The following DENND4B variants were observed in gnomAD, a reference collection of about 807,000 sequenced individuals.
The protein encoded by DENND4B is DENN domain-containing protein 4B.
A neutral mutation model predicts 161.0 loss-of-function variants in DENND4B; 67 were observed. The ratio of observed to expected loss-of-function variants is 0.42; its 90% CI spans 0.34 to 0.51. The LOEUF (loss-of-function observed/expected upper bound fraction) is 0.51, where lower values mean the gene tolerates loss of function less well. Ranked by LOEUF, DENND4B falls within the 20% of genes least tolerant of loss-of-function variation. The pLI is 0.08. For missense variants in DENND4B, 1,481 were observed against 1,968.0 expected, an observed-to-expected ratio of 0.75 and a Z score of 4.68; for synonymous variants, 753 against 813.8, an observed-to-expected ratio of 0.93 and a Z score of 1.27.
rs2102016177 is a variant in DENND4B, at chr1:153,933,648, T to G, written c.3165A>C (p.Arg1055=). 1.3e-6 allele frequency: 2 copies of G among 1,562,916 alleles called. No individual in the cohort carries two copies. The highest frequency in any genetic ancestry group is 4.7e-5 in the East Asian group (2 of 42,970). ...GRQDEAGTPR[R]GLGARLQQLL... Reference sequence around the variant, plus strand: ...GCTGTTGGAGGCGGGCACCCAGCCCTCGTCGGGGGGTGCCTGCCTCATCCT... The same window carrying G: ...GCTGTTGGAGGCGGGCACCCAGCCCGCGTCGGGGGGTGCCTGCCTCATCCT... The change falls in exon 20 of 28, where the codon CGA becomes CGC. Residue 1055 remains arginine, a synonymous_variant. Coordinates refer to ENST00000361217, the MANE Select transcript of DENND4B (RefSeq NM_014856.3). The surrounding 1 kb of genome is among the most constrained non-coding windows in gnomAD (Gnocchi z 5.7).
At position 153,943,922 on chromosome 1, in the gene DENND4B, G is replaced by A. The variant is rs150160670; in HGVS notation, c.317+136C>T. The A allele has an allele frequency of 6.0e-3, 5,778 of 962,934 alleles. 25 individuals carry two copies. Among genetic ancestry groups the A allele is most frequent in the Middle Eastern group, 7.5e-3 (23 of 3,078 alleles). The allele number at this position is 962,934 out of a possible 1,614,324, so 59.6% of individuals were successfully genotyped here. On this transcript the variant is annotated intron_variant, in intron 2 of 27. Coordinates refer to ENST00000361217, the MANE Select transcript of DENND4B (RefSeq NM_014856.3). ...TAAGGACTAAGTACATACAACTTCA[G>A]TCCTTCCTTCCTGGCCCCTGGCCCA...
Position 153,932,019 on chromosome 1 carries a change from C to T in DENND4B, c.3996+185G>A, listed in dbSNP as rs1395745236. On this transcript the variant is annotated intron_variant, in intron 24 of 27. Transcript: ENST00000361217. This position sits in a 1 kb window ranked among gnomAD's most constrained non-coding sequence, Gnocchi z 5.8. The stretch of plus-strand genomic sequence containing the variant: ...ACAGGGTTTCTCCCAGTTGGTCAGG[C>T]TGGTCTCGAACTCCTGACCTCAGGT... Among the ~76,000 whole-genome samples the T allele has an allele frequency of 6.6e-6, 1 of 151,354 alleles. No individual in the cohort carries two copies. Among genetic ancestry groups the T allele is most frequent in the Non-Finnish European group, 1.5e-5 (1 of 67,818 alleles).
In DENND4B at chr1:153,940,740, G is replaced by C. The variant is rs986838605; in HGVS notation, c.1327-134C>G. 212 of 1,439,894 alleles carry C rather than the reference G, an allele frequency of 1.5e-4. No individual in the cohort carries two copies. Among genetic ancestry groups the C allele is most frequent in the Non-Finnish European group, 1.7e-4 (186 of 1,072,218 alleles). 89.2% of individuals were successfully genotyped at this position (1,439,894 alleles called of 1,614,324 possible). On this transcript the variant is annotated intron_variant, in intron 9 of 27. Coordinates refer to ENST00000361217, the MANE Select transcript of DENND4B (RefSeq NM_014856.3). The surrounding 1 kb of genome is among the most constrained non-coding windows in gnomAD (Gnocchi z 5.6). ...GAGAGGCTGTTGGAAGTAGGCTCTA[G>C]AGAAGAGCTCCTGATGGAAGCTATG...
chr1:153,945,902 C>T (rs1321096043), intron 1 of DENND4B, among the ~76,000 whole-genome samples: 1 of 152,248 alleles, frequency 6.6e-6, no homozygotes, highest in Non-Finnish European at 1.5e-5. Flanking sequence ...CACTCCGGGT[C>T]CCCACGCCCG....
In DENND4B at chr1:153,944,356, G is replaced by T; in HGVS notation, c.19C>A (p.Pro7Thr). The T allele has an allele frequency of 2.5e-6, 4 of 1,607,616 alleles. No homozygotes were observed. The highest frequency in any genetic ancestry group is 3.4e-6 in the Non-Finnish European group (4 of 1,177,232). ...ACCACGAAGTAATCCACCAGCCGGG[G>T]GGGCCGCTCCTCCGCCATGGCCCCC... is the stretch of plus-strand genomic sequence containing the variant. MAEERP[P>T]RLVDYFVVAG... Residue 7 changes from proline to threonine, a missense_variant, in exon 2 of 28, where the codon CCC becomes ACC. Pro to Thr is a conservative substitution (Grantham distance 38, BLOSUM62 -1). Around this residue, in one of 3 missense-constraint regions of DENND4B, gnomAD observed 806 missense variants for 1,134.4 expected, o/e 0.71. Transcript: ENST00000361217. This position sits in a 1 kb window ranked among gnomAD's most constrained non-coding sequence, Gnocchi z 4.8.
Position 153,942,731 on chromosome 1 carries a change from C to T in DENND4B, c.571-106G>A. On this transcript the variant is annotated intron_variant, in intron 3 of 27. Coordinates refer to ENST00000361217, the MANE Select transcript of DENND4B (RefSeq NM_014856.3). The surrounding 1 kb of genome is among the most constrained non-coding windows in gnomAD (Gnocchi z 6.9). ...AATGTTCTTTTGTCTTTAAAGCTCC[C>T]ATTAATCCCAGTGCCCCAAGACCAG... is the stretch of plus-strand genomic sequence containing the variant. The T allele has an allele frequency of 1.4e-6, 2 of 1,474,666 alleles. No individual in the cohort carries two copies. The highest frequency in any genetic ancestry group is 1.8e-6 in the Non-Finnish European group (2 of 1,109,010). The allele number at this position is 1,474,666 out of a possible 1,614,324, so 91.3% of individuals were successfully genotyped here.
intron 6 of DENND4B, 89 bp downstream of exon 6, chr1:153,941,780 C>CGGGGGGGGG: frequency 1.8e-6 from 1 of 558,836 alleles, no homozygotes; most frequent in Non-Finnish European, 3.2e-6. Flanking sequence ...GCCCAGCCCT[C>CGGGGGGGGG]CCCCCACCCA....
chr1:153,939,071 G>T, intron 12 of DENND4B, 26 bp from the exon 13 acceptor site: 2 of 1,608,816 alleles, frequency 1.2e-6, no homozygotes, highest in Non-Finnish European at 8.5e-7. Flanking sequence ...ATGGGGCAGA[G>T]GAGGGGTGTG....
rs1678811764 is a variant in DENND4B, at chr1:153,930,018, G to C, written c.*279C>G. 4.5e-6 allele frequency: 2 copies of C among 443,388 alleles called. No individual in the cohort carries two copies. Among genetic ancestry groups the C allele is most frequent in the African/African-American group, 4.0e-5 (2 of 50,508 alleles). 27.5% of individuals were successfully genotyped at this position (443,388 alleles called of 1,614,324 possible). On this transcript the variant is annotated 3_prime_UTR_variant, in exon 28 of 28. Transcript: ENST00000361217. The surrounding 1 kb of genome is among the most constrained non-coding windows in gnomAD (Gnocchi z 4.7). Reference sequence around the variant, plus strand: ...GCAGATCTGTGGGTACCCTGGAGGGGAGTTCCCGGTATAGGACAAGGGAAG... The same window carrying C: ...GCAGATCTGTGGGTACCCTGGAGGGCAGTTCCCGGTATAGGACAAGGGAAG...
At chr1:153,935,355 CT>C (rs1208834320) in intron 17 of DENND4B, 2 of 182,718 alleles carry the variant, frequency 1.1e-5, no homozygotes, top group East Asian at 1.5e-4. Context: ...ATTCTTTTTT[CT>C]TTTTTTTCGA....
In DENND4B at chr1:153,943,890, G is replaced by A. The variant is rs930662076; in HGVS notation, c.317+168C>T. Among the ~76,000 whole-genome samples the A allele has an allele frequency of 1.3e-5, 2 of 152,074 alleles. 1 individual carries two copies. Among genetic ancestry groups the A allele is most frequent in the African/African-American group, 4.8e-5 (2 of 41,384 alleles). On this transcript the variant is annotated intron_variant, in intron 2 of 27. Transcript: ENST00000361217. The stretch of plus-strand genomic sequence containing the variant: ...AGGAGCAGCACTAGCACATGAAATC[G>A]CATCTGTAAGGACTAAGTACATACA...
At position 153,934,337 on chromosome 1, in the gene DENND4B, G is replaced by A; in HGVS notation, c.2774-35C>T. ...ACGAGAAGGGGTTTAGAGGCGGCCAGCTAGGAACCCAGTCCCCTGTTCCAA... is the reference window on the plus strand; with the variant it reads ...ACGAGAAGGGGTTTAGAGGCGGCCAACTAGGAACCCAGTCCCCTGTTCCAA... On this transcript the variant is annotated intron_variant, in intron 18 of 27. Transcript: ENST00000361217. This position sits in a 1 kb window ranked among gnomAD's most constrained non-coding sequence, Gnocchi z 5.3. 7 of 1,542,356 alleles carry A rather than the reference G, an allele frequency of 4.5e-6. No individual in the cohort carries two copies. Among genetic ancestry groups the A allele is most frequent in the Non-Finnish European group, 5.2e-6 (6 of 1,149,880 alleles).
rs779299276 is a variant in DENND4B at position 153,934,827 on chromosome 1, C to T, written c.2706G>A (p.Gln902=). 1.3e-5 allele frequency: 17 copies of T among 1,348,570 alleles called. No homozygotes were observed. The highest frequency in any genetic ancestry group is 1.9e-4 in the Middle Eastern group (1 of 5,362). The allele number at this position is 1,348,570 out of a possible 1,614,324, so 83.5% of individuals were successfully genotyped here. A position where few individuals can be genotyped will look rare whatever the true frequency, so the allele number is the denominator to read the frequency against. ...CCTGCTGCTGCTGCTGCTGCTGCTG[C>T]TGTTGCTGCTGCTGCTGCTGTTGCC... is the stretch of plus-strand genomic sequence containing the variant. ...RERQQQQQQQ[Q]QQQQQQQQEQ... Residue 902 remains glutamine, a synonymous_variant, in exon 18 of 28, where the codon CAG becomes CAA. Transcript: ENST00000361217. The surrounding 1 kb of genome is among the most constrained non-coding windows in gnomAD (Gnocchi z 5.3).
upstream of DENND4B, chr1:153,946,820 C>T: frequency 2.8e-6 from 1 of 352,588 alleles, no homozygotes; most frequent in Middle Eastern, 7.5e-4. The surrounding 1 kb of genome is among the most constrained non-coding windows in gnomAD (Gnocchi z 6.3). Context: ...GGACACTGAC[C>T]CCAGGCGACC....
chr1:153,932,735 A>G lies in DENND4B; in HGVS notation c.3666T>C (p.Asp1222=). The change falls in exon 23 of 28, where the codon GAT becomes GAC. Residue 1222 remains aspartate, a synonymous_variant. Transcript: ENST00000361217. The surrounding 1 kb of genome is among the most constrained non-coding windows in gnomAD (Gnocchi z 5.8). The stretch of plus-strand genomic sequence containing the variant: ...GGCCAGGACCACCAGGGACAGGAGC[A>G]TCTTTGCTGCCACTGGCACCAGCAG... ...PKSAGASGSK[D]APVPGGPGPV... The G allele has an allele frequency of 1.2e-6, 2 of 1,614,048 alleles. No homozygotes were observed. Among genetic ancestry groups the G allele is most frequent in the Middle Eastern group, 1.6e-4 (1 of 6,062 alleles).
In DENND4B at chr1:153,933,976, A is replaced by C; in HGVS notation, c.2942-105T>G. On this transcript the variant is annotated intron_variant, in intron 19 of 27. Coordinates refer to ENST00000361217, the MANE Select transcript of DENND4B (RefSeq NM_014856.3). The surrounding 1 kb of genome is among the most constrained non-coding windows in gnomAD (Gnocchi z 5.7). ...TGGCTGCACAAACTCTGGTGCCACC[A>C]CCCCCACCATGATGATATTCTGGGC... 2 of 1,513,384 alleles carry C rather than the reference A, an allele frequency of 1.3e-6. No homozygotes were observed. Among genetic ancestry groups the C allele is most frequent in the Non-Finnish European group, 1.8e-6 (2 of 1,132,240 alleles). The allele number at this position is 1,513,384 out of a possible 1,614,324, so 93.7% of individuals were successfully genotyped here.
In DENND4B at chr1:153,930,879, C is replaced by A. The variant is rs375939242; in HGVS notation, c.4115-22G>T. On this transcript the variant is annotated intron_variant, in intron 25 of 27. Coordinates refer to ENST00000361217, the MANE Select transcript of DENND4B (RefSeq NM_014856.3). This position sits in a 1 kb window ranked among gnomAD's most constrained non-coding sequence, Gnocchi z 4.7. ...TGGCCTGGATGAAAGGAAAGAAGGC[C>A]ACCAGAATCACTGAGCCCTCTGGGT... 69 of 1,594,344 alleles carry A rather than the reference C, an allele frequency of 4.3e-5. No homozygotes were observed. The highest frequency in any genetic ancestry group is 5.2e-5 in the Non-Finnish European group (61 of 1,171,254).
Position 153,942,417 on chromosome 1 carries a change from A to C in DENND4B, c.641-61T>G. ...AGCAGGGTCCATCAGACTCCAAGGG[A>C]AATGAACCAAGGGATCCCAGAGAAG... On this transcript the variant is annotated intron_variant, in intron 4 of 27. Coordinates refer to ENST00000361217, the MANE Select transcript of DENND4B (RefSeq NM_014856.3). The surrounding 1 kb of genome is among the most constrained non-coding windows in gnomAD (Gnocchi z 6.9). The C allele has an allele frequency of 6.3e-7, 1 of 1,587,532 alleles. No homozygotes were observed.
At position 153,933,411 on chromosome 1, in the gene DENND4B, G is replaced by A. The variant is rs1679095028; in HGVS notation, c.3330+72C>T. Reference sequence around the variant, plus strand: ...GCACCCCTCAGAGCCCCCTTTTTGAGCATTCTTCCAGTCGTAGCCCCTCCC... The same window carrying A: ...GCACCCCTCAGAGCCCCCTTTTTGAACATTCTTCCAGTCGTAGCCCCTCCC... On this transcript the variant is annotated intron_variant, in intron 20 of 27. Coordinates refer to ENST00000361217, the MANE Select transcript of DENND4B (RefSeq NM_014856.3). The surrounding 1 kb of genome is among the most constrained non-coding windows in gnomAD (Gnocchi z 5.7). The A allele has an allele frequency of 2.5e-6, 4 of 1,605,524 alleles. No individual in the cohort carries two copies. Among genetic ancestry groups the A allele is most frequent in the Non-Finnish European group, 3.4e-6 (4 of 1,176,020 alleles).
Sources: allele counts gnomAD v4.1 joint callset (sites outside exome capture counted in the v4.1 genomes callset), GRCh38; gene constraint gnomAD v4.1.1; regional missense constraint gnomAD v4.1.1; non-coding constraint Gnocchi (gnomAD v3.1); transcripts MANE v1.5; gene names NCBI Gene and HGNC (gene_info 2026-07-23, HGNC 2026-07-21).